IL1RAPL2: variants seen among roughly 807,000 people sequenced by gnomAD.
The protein encoded by IL1RAPL2 is X-linked interleukin-1 receptor accessory protein-like 2.
IL1RAPL2 carries 3 observed loss-of-function variants against 44.1 expected under a neutral mutation model. The ratio of observed to expected loss-of-function variants is 0.07; its 90% confidence interval spans 0.03 to 0.18. The LOEUF is 0.18. Ranked by LOEUF, IL1RAPL2 falls within the 10% of genes least tolerant of loss-of-function variation. The pLI is 1.00. For synonymous variants in IL1RAPL2, 181 were observed against 178.8 expected, an observed-to-expected ratio of 1.01 and a Z score of -0.10; for missense variants, 391 against 496.4, an observed-to-expected ratio of 0.79 and a Z score of 2.02.
intron 6 of IL1RAPL2, among the ~76,000 whole-genome samples, chrX:105,704,615 C>A (rs958964884): frequency 3.6e-5 from 4 of 111,421 alleles, no homozygotes; most frequent in Non-Finnish European, 7.5e-5. Flanking sequence ...CAGCAATTTT[C>A]TTTTCTTTTA....
chrX:105,338,563 G>T (rs2035046089), intron 5 of IL1RAPL2, among the ~76,000 whole-genome samples: 1 of 111,671 alleles, frequency 9.0e-6, no homozygotes, highest in South Asian at 3.8e-4. Flanking sequence ...TGTTATTTTT[G>T]AAAGTCCTTG....
intron 2 of IL1RAPL2, among the ~76,000 whole-genome samples, chrX:104,946,277 G>A (rs1344443074): frequency 1.1e-5 from 1 of 93,573 alleles, no homozygotes; most frequent in Non-Finnish European, 2.1e-5. Context: ...GGAGGCTGAG[G>A]CAGGAGAATG....
At chrX:105,527,554 G>A (rs909308235) in intron 6 of IL1RAPL2, among the ~76,000 whole-genome samples, 1 of 110,249 alleles carries the variant, frequency 9.1e-6, no homozygotes, top group Non-Finnish European at 1.9e-5. Context: ...GGTACAATTT[G>A]TGTGCCAAGG....
intron 6 of IL1RAPL2, among the ~76,000 whole-genome samples, chrX:105,650,661 A>G (rs1038948996): frequency 7.1e-5 from 8 of 111,892 alleles, no homozygotes; most frequent in African/African-American, 2.6e-4. Flanking sequence ...ATTTTGGGAA[A>G]ATGTTACTTT....
intron 2 of IL1RAPL2, among the ~76,000 whole-genome samples, chrX:104,770,766 T>G (rs1479591263): frequency 8.9e-6 from 1 of 111,861 alleles, no homozygotes; most frequent in Non-Finnish European, 1.9e-5. Context: ...TAAGTTCAGG[T>G]GTATATGTGC....
At chrX:105,542,806 T>G (rs2036755344) in intron 6 of IL1RAPL2, among the ~76,000 whole-genome samples, 1 of 105,445 alleles carries the variant, frequency 9.5e-6, no homozygotes, top group Admixed American at 1.0e-4. Flanking sequence ...GGATCTCGGC[T>G]CACTGCAAGC....
intron 2 of IL1RAPL2, among the ~76,000 whole-genome samples, chrX:104,853,311 T>C (rs1004330322): frequency 1.9e-4 from 21 of 111,656 alleles, no homozygotes; most frequent in African/African-American, 6.8e-4. Context: ...AGTGGCAGCA[T>C]GCTTAGGTGA....
At chrX:105,306,771 C>T (rs945923861) in intron 5 of IL1RAPL2, among the ~76,000 whole-genome samples, 2 of 111,106 alleles carry the variant, frequency 1.8e-5, no homozygotes, top group Non-Finnish European at 3.8e-5. Context: ...GTGGCTCACA[C>T]CTGTAATCCT....
At chrX:104,964,123 A>C (rs1441710267) in intron 2 of IL1RAPL2, among the ~76,000 whole-genome samples, 3 of 110,249 alleles carry the variant, frequency 2.7e-5, no homozygotes, top group Non-Finnish European at 5.7e-5. Flanking sequence ...TTTCAGAACT[A>C]ATATCCATTT....
intron 2 of IL1RAPL2, among the ~76,000 whole-genome samples, chrX:104,665,932 G>A (rs929264827): frequency 3.6e-5 from 4 of 111,491 alleles, no homozygotes; most frequent in African/African-American, 1.3e-4. Context: ...GGAAATGTTG[G>A]ATAAAGTTTT....
At chrX:104,770,055 A>AT (rs952017867) in intron 2 of IL1RAPL2, among the ~76,000 whole-genome samples, 38 of 109,685 alleles carry the variant, frequency 3.5e-4, no homozygotes, top group Middle Eastern at 4.9e-3. Flanking sequence ...GACATCTAGG[A>AT]TTTTTTTTTG....
intron 2 of IL1RAPL2, among the ~76,000 whole-genome samples, chrX:104,780,941 G>A (rs1363905331): frequency 9.0e-6 from 1 of 111,554 alleles, no homozygotes; most frequent in Admixed American, 9.5e-5. Context: ...TATTCTATCA[G>A]AATTCAAATT....
At chrX:105,247,306 A>G (rs2213328) in intron 4 of IL1RAPL2, among the ~76,000 whole-genome samples, 6,699 of 110,629 alleles carry the variant, frequency 0.061, 262 homozygotes, top group South Asian at 0.17. Flanking sequence ...TGTTCTCATA[A>G]TCTCACTATG....
chrX:105,507,493 G>T (rs1371242429), intron 6 of IL1RAPL2, among the ~76,000 whole-genome samples: 1 of 111,291 alleles, frequency 9.0e-6, no homozygotes, highest in African/African-American at 3.3e-5. Context: ...CATCATACAC[G>T]CACAAGCAAA....
chrX:104,766,376 TGCCTGCCTGCC>T (rs1932553522), intron 2 of IL1RAPL2, among the ~76,000 whole-genome samples: 2 of 105,923 alleles, frequency 1.9e-5, no homozygotes, highest in Admixed American at 9.8e-5. Flanking sequence ...CTGGCCTGCC[TGCCTGCCTGCC>T]TGCCTGCCTG....
intron 2 of IL1RAPL2, among the ~76,000 whole-genome samples, chrX:104,830,959 T>C (rs1294436501): frequency 8.9e-6 from 1 of 111,808 alleles, no homozygotes; most frequent in African/African-American, 3.2e-5. Context: ...CATGTGTGTA[T>C]TGTTTTCACA....
intron 2 of IL1RAPL2, among the ~76,000 whole-genome samples, chrX:104,782,544 TG>T (rs1932780097): frequency 1.8e-5 from 2 of 112,036 alleles, no homozygotes; most frequent in Non-Finnish European, 3.8e-5. Flanking sequence ...GTCAAACTTT[TG>T]TTCTGTCTAC....
At chrX:104,971,771 G>T (rs1218696794) in intron 2 of IL1RAPL2, among the ~76,000 whole-genome samples, 1 of 111,296 alleles carries the variant, frequency 9.0e-6, no homozygotes, top group African/African-American at 3.3e-5. Context: ...TTGTTGCCCT[G>T]ATTCCTGCCA....
intron 2 of IL1RAPL2, among the ~76,000 whole-genome samples, chrX:104,787,383 C>T (rs753648210): frequency 2.0e-4 from 22 of 111,274 alleles, no homozygotes; most frequent in Middle Eastern, 4.6e-3. Flanking sequence ...ATACTCCGTA[C>T]CTCTGGAGGT....
Sources: allele counts gnomAD v4.1 joint callset (sites outside exome capture counted in the v4.1 genomes callset), GRCh38; gene constraint gnomAD v4.1.1; transcripts MANE v1.5; gene names NCBI Gene and HGNC (gene_info 2026-07-23, HGNC 2026-07-21).